Variants in FOXP1 observed in about 807,000 individuals in gnomAD.
The protein encoded by FOXP1 is forkhead box protein P1.
In FOXP1, 15 loss-of-function variants were observed where a neutral mutation model predicts 98.2. The ratio of observed to expected loss-of-function variants is 0.15; its 90% CI spans 0.10 to 0.24. FOXP1 has a LOEUF of 0.24. Among genes scored for constraint, FOXP1 ranks in the 10% least tolerant of loss-of-function variants. The pLI is 1.00. For synonymous variants in FOXP1, 371 were observed against 314.5 expected (o/e 1.18, Z -1.90); for missense variants, 633 against 848.5 (o/e 0.75, Z 3.15).
chr3:70,992,315 C>T (rs895581084), intron 13 of FOXP1, among the ~76,000 whole-genome samples: 2 of 152,132 alleles, frequency 1.3e-5, no homozygotes, highest in African/African-American at 4.8e-5. Flanking sequence ...AAGAGATTAA[C>T]CCGATGTGGC....
intron 10 of FOXP1, among the ~76,000 whole-genome samples, chr3:71,044,769 G>T (rs1336100494): frequency 1.3e-5 from 2 of 152,178 alleles, no homozygotes; most frequent in African/African-American, 4.8e-5. Context: ...AATGTATGTT[G>T]TGGGGACAGA....
At chr3:71,223,156 A>G (rs1043440040) in intron 5 of FOXP1, among the ~76,000 whole-genome samples, 2 of 152,132 alleles carry the variant, frequency 1.3e-5, no homozygotes, top group African/African-American at 2.4e-5. Flanking sequence ...CCCCCATTCT[A>G]AAAAGAGTCT....
chr3:71,414,317 G>A (rs1190659651), intron 3 of FOXP1, among the ~76,000 whole-genome samples: 1 of 152,182 alleles, frequency 6.6e-6, no homozygotes, highest in Admixed American at 6.5e-5. Flanking sequence ...ACCGTCCTGT[G>A]CCTCCACACC....
intron 4 of FOXP1, among the ~76,000 whole-genome samples, chr3:71,321,121 C>CG (rs35538556): frequency 8.2e-6 from 1 of 121,996 alleles, no homozygotes; most frequent in Non-Finnish European, 1.7e-5. Context: ...TAGACTGTAC[C>CG]AAAAAAAAAA....
intron 5 of FOXP1, among the ~76,000 whole-genome samples, chr3:71,250,059 C>T (rs1357246208): frequency 1.3e-5 from 2 of 152,172 alleles, no homozygotes; most frequent in Admixed American, 1.3e-4. Flanking sequence ...AGAAGTCCAC[C>T]CCACCAGACA....
chr3:71,324,684 G>A (rs1404419017), intron 4 of FOXP1, among the ~76,000 whole-genome samples: 2 of 151,998 alleles, frequency 1.3e-5, no homozygotes, highest in East Asian at 1.9e-4. Flanking sequence ...GTTAATGGGT[G>A]CAGCACACCA....
intron 6 of FOXP1, among the ~76,000 whole-genome samples, chr3:71,182,034 CAA>C (rs1156871743): frequency 9.4e-6 from 1 of 105,824 alleles, no homozygotes; most frequent in Non-Finnish European, 2.0e-5. Flanking sequence ...GACTCCATCT[CAA>C]AAAAAAGAAA....
chr3:71,069,389 C>T (rs182925520), intron 7 of FOXP1, among the ~76,000 whole-genome samples: 60 of 152,240 alleles, frequency 3.9e-4, no homozygotes, highest in Admixed American at 1.6e-3. Context: ...AAAATCATGA[C>T]AGAAAAGAAA....
chr3:71,305,862 C>T (rs991896283), intron 4 of FOXP1: 1 of 152,640 alleles, frequency 6.6e-6, no homozygotes, highest in South Asian at 2.1e-4. Flanking sequence ...TCAGCCTTGG[C>T]TTCGCACACA....
chr3:71,175,726 T>C (rs1007304434), intron 6 of FOXP1, among the ~76,000 whole-genome samples: 1 of 152,192 alleles, frequency 6.6e-6, no homozygotes, highest in African/African-American at 2.4e-5. Context: ...AACAAATATA[T>C]GCTTTTGCTG....
intron 3 of FOXP1, among the ~76,000 whole-genome samples, chr3:71,446,650 C>A (rs1000482824): frequency 1.1e-4 from 17 of 152,182 alleles, no homozygotes; most frequent in Non-Finnish European, 2.2e-4. Context: ...CATGTTCTTA[C>A]AATTCACTCA....
At chr3:71,297,917 T>C (rs908796118) in intron 5 of FOXP1, among the ~76,000 whole-genome samples, 2 of 152,172 alleles carry the variant, frequency 1.3e-5, no homozygotes, top group African/African-American at 4.8e-5. Context: ...TGTTTAATCA[T>C]AATTTTTAGC....
rs181108810 is a variant in FOXP1, at chr3:71,370,252, T to C, written c.-167-11008A>G. 5.3e-5 allele frequency among the ~76,000 whole-genome samples: 8 copies of C among 152,080 alleles called. No homozygotes were observed. In the East Asian group the frequency reaches 7.7e-4, roughly 15 times the overall value. The stretch of plus-strand genomic sequence containing the variant: ...CCAAATAGATTGAGTAATACAGAAA[T>C]AAAAGAATGCTATTACACTCTGCTA... On this transcript the variant is annotated intron_variant, in intron 3 of 20. Transcript: ENST00000649528.
chr3:71,518,707 A>G (rs2107418749), intron 2 of FOXP1, among the ~76,000 whole-genome samples: 1 of 152,332 alleles, frequency 6.6e-6, no homozygotes, highest in Non-Finnish European at 1.5e-5. Flanking sequence ...GGCCTTGTCA[A>G]TTTGGAGAAA....
Position 70,972,647 on chromosome 3 carries a change from G to C in FOXP1, c.1560C>G (p.His520Gln), listed in dbSNP as rs2036509888. Residue 520 changes from histidine to glutamine, a missense_variant, in exon 18 of 21, where the codon CAC becomes CAG. This residue lies in a region of FOXP1 where 141 missense variants were observed against 199.5 expected (regional missense o/e 0.71). Coordinates refer to ENST00000649528, the MANE Select transcript of FOXP1 (RefSeq NM_001349338.3). ...KNAVRHNLSL[H>Q]KCFVRVENVK... The stretch of plus-strand genomic sequence containing the variant: ...CGTTTTCTACTCGCACAAAACACTT[G>C]TGAAGACTAAGATTATGACGCACTG... 6.2e-7 allele frequency: 1 copy of C among 1,613,974 alleles called. No homozygotes were observed. Among genetic ancestry groups the C allele is most frequent in the Non-Finnish European group, 8.5e-7 (1 of 1,179,870 alleles).
chr3:71,338,402 ACAAAATGCCTTTC>A (rs1275213815), intron 4 of FOXP1, among the ~76,000 whole-genome samples: 2 of 152,338 alleles, frequency 1.3e-5, no homozygotes, highest in South Asian at 4.1e-4. Context: ...CATCTTAACT[ACAAAATGCCTTTC>A]CAACCCGAGT....
chr3:71,497,626 C>G (rs2091506973), intron 2 of FOXP1, among the ~76,000 whole-genome samples: 1 of 152,178 alleles, frequency 6.6e-6, no homozygotes, highest in Non-Finnish European at 1.5e-5. Context: ...TTCCAGGAAT[C>G]TGCTGTTCTA....
At chr3:70,976,843 A>G in intron 17 of FOXP1, 98 bp downstream of exon 17, 2 of 856,324 alleles carry the variant, frequency 2.3e-6, no homozygotes, top group Non-Finnish European at 2.0e-6. Context: ...TCAAAACAAT[A>G]TAAATGTAGC....
In FOXP1 at chr3:70,966,039, A is replaced by G. The variant is rs750569571; in HGVS notation, c.1740T>C (p.Asn580=). 2.5e-6 allele frequency: 4 copies of G among 1,614,138 alleles called. No homozygotes were observed. Among genetic ancestry groups the G allele is most frequent in the Middle Eastern group, 1.6e-4 (1 of 6,062 alleles). ...AAGCGGTAGTGTATAGAGGTATACT[A>G]TTCTCAGCCATTGAAGCCTGTCATC... is the stretch of plus-strand genomic sequence containing the variant. ...NAALQASMAE[N]SIPLYTTASM... Residue 580 remains asparagine, a synonymous_variant, in exon 20 of 21, where the codon AAT becomes AAC. Coordinates refer to ENST00000649528, the MANE Select transcript of FOXP1 (RefSeq NM_001349338.3).
Sources: allele counts gnomAD v4.1 joint callset (sites outside exome capture counted in the v4.1 genomes callset), GRCh38; gene constraint gnomAD v4.1.1; regional missense constraint gnomAD v4.1.1; transcripts MANE v1.5; gene names NCBI Gene and HGNC (gene_info 2026-07-23, HGNC 2026-07-21).